Variants in PLEKHG4B observed in about 807,000 individuals in gnomAD.
PLEKHG4B encodes pleckstrin homology and RhoGEF domain containing G4B.
PLEKHG4B carries 111 observed loss-of-function variants against 121.3 expected under a neutral mutation model. The observed-to-expected ratio is 0.92, with a 90% CI of 0.78 to 1.07. The LOEUF is 1.07. PLEKHG4B is among the 50% of genes least tolerant of loss of function. The probability of loss-of-function intolerance (pLI) is 0.00; values close to 1 mark genes in which losing one functional copy is unlikely to be tolerated. For synonymous variants in PLEKHG4B, 738 were observed against 725.0 expected (o/e 1.02, Z -0.29); for missense variants, 1,831 against 1,757.8 (o/e 1.04, Z -0.74).
rs199993651 is a variant in PLEKHG4B, at chr5:164,577, TCA to T, written c.3476+1034_3476+1035del. On this transcript the variant is annotated intron_variant, in intron 13 of 19. Transcript: ENST00000637938. The stretch of plus-strand genomic sequence containing the variant: ...GTAATGCTCTGACAGGGGGCGGAGC[TCA>T]CACAGTAATGCTGTGACGGAGCGGA... Among the ~76,000 whole-genome samples, 116 of 88,694 alleles carry T rather than the reference TCA, an allele frequency of 1.3e-3. 13 individuals are homozygous for T. In the Middle Eastern group the frequency reaches 0.023, roughly 17 times the overall value. 58.2% of individuals were successfully genotyped at this position (88,694 alleles called of 152,430 possible).
chr5:143,548 C>T (rs1254058913), intron 5 of PLEKHG4B, 45 bp downstream of exon 5: 15 of 1,599,784 alleles, frequency 9.4e-6, no homozygotes, highest in Non-Finnish European at 1.3e-5. Context: ...CATGGGACCC[C>T]AGCTGCATGT....
In PLEKHG4B at chr5:137,869, A is replaced by G. The variant is rs1205457503; in HGVS notation, c.244-1614A>G. The stretch of plus-strand genomic sequence containing the variant: ...AGGTACCTGTCTCTTCTGGGGTGAA[A>G]CCTGTGGAGGGGATGGAGGTGGCCC... On this transcript the variant is annotated intron_variant, in intron 2 of 19. Coordinates refer to ENST00000637938, the MANE Select transcript of PLEKHG4B (RefSeq NM_052909.5). The surrounding 1 kb of genome is among the most constrained non-coding windows in gnomAD (Gnocchi z 4.2). Among the ~76,000 whole-genome samples, 1 of 152,044 alleles carries G rather than the reference A, an allele frequency of 6.6e-6. No homozygotes were observed. Among genetic ancestry groups the G allele is most frequent in the Non-Finnish European group, 1.5e-5 (1 of 67,992 alleles).
intron 18 of PLEKHG4B, among the ~76,000 whole-genome samples, chr5:175,648 C>T (rs112367103): frequency 1.1e-5 from 1 of 90,722 alleles, no homozygotes. Flanking sequence ...GGCTCCTGCA[C>T]GGCTGCACCC....
chr5:113,285 C>T lies in PLEKHG4B; in HGVS notation c.80C>T (p.Thr27Met), dbSNP rs541049998. The T allele has an allele frequency of 1.7e-4, 66 of 399,078 alleles. No individual in the cohort carries two copies. Among genetic ancestry groups the T allele is most frequent in the African/African-American group, 1.2e-3 (58 of 48,742 alleles). The allele number at this position is 399,078 out of a possible 1,614,324, so 24.7% of individuals were successfully genotyped here. A position where few individuals can be genotyped will look rare whatever the true frequency, so the allele number is the denominator to read the frequency against. The change falls in exon 2 of 20, where the codon ACG becomes ATG. Residue 27 changes from threonine to methionine, a missense_variant. Coordinates refer to ENST00000637938, the MANE Select transcript of PLEKHG4B (RefSeq NM_052909.5). This position sits in a 1 kb window ranked among gnomAD's most constrained non-coding sequence, Gnocchi z 5.2. ...TCTCTTGATGCCTGTATCCAGAGGA[C>T]GCTCTCTGCCTTGTACCCACCGTTT... Reference protein sequence around the residue: ...LESLDACIQRTLSALYPPFEA... With the variant: ...LESLDACIQRMLSALYPPFEA...
rs1733563926 is a variant in PLEKHG4B, at chr5:184,800, T to C, written c.*2477T>C. On this transcript the variant is annotated 3_prime_UTR_variant, in exon 20 of 20. Coordinates refer to ENST00000637938, the MANE Select transcript of PLEKHG4B (RefSeq NM_052909.5). ...ACTTTGGGAGGCTGAGGCCAGAGGATCACTTGACTTGAGCCCAGGAACTGG... is the reference window on the plus strand; with the variant it reads ...ACTTTGGGAGGCTGAGGCCAGAGGACCACTTGACTTGAGCCCAGGAACTGG... 1.3e-5 allele frequency: 1 copy of C among 77,848 alleles called. No homozygotes were observed. The allele number at this position is 77,848 out of a possible 1,614,324, so 4.8% of individuals were successfully genotyped here. A position where few individuals can be genotyped will look rare whatever the true frequency, so the allele number is the denominator to read the frequency against.
intron 1 of PLEKHG4B, among the ~76,000 whole-genome samples, chr5:94,775 A>G (rs942438929): frequency 6.6e-6 from 1 of 152,114 alleles, no homozygotes; most frequent in African/African-American, 2.4e-5. Context: ...TCCAAAGAAC[A>G]GGCCTGGAAT....
rs1459577776 is a variant in PLEKHG4B, at chr5:184,031, T to TAGATAGATA, written c.*1708_*1709insAGATAGATA. 3 of 120,146 alleles carry TAGATAGATA rather than the reference T, an allele frequency of 2.5e-5. No homozygotes were observed. Among genetic ancestry groups the TAGATAGATA allele is most frequent in the East Asian group, 2.6e-4 (1 of 3,818 alleles). 7.4% of individuals were successfully genotyped at this position (120,146 alleles called of 1,614,324 possible). On this transcript the variant is annotated 3_prime_UTR_variant, in exon 20 of 20. Transcript: ENST00000637938. ...TAGATAGATAGATAGATAGATAGAC[T>TAGATAGATA]GACAGACAGATGAGAGGGGCCTTAG...
intron 2 of PLEKHG4B, among the ~76,000 whole-genome samples, chr5:121,700 C>T (rs1734474163): frequency 6.6e-6 from 1 of 152,020 alleles, no homozygotes; most frequent in South Asian, 2.1e-4. Flanking sequence ...AATGGAAAAA[C>T]ATCTTTTAAG....
At chr5:114,417 G>T (rs1466619389) in intron 2 of PLEKHG4B, among the ~76,000 whole-genome samples, 1 of 152,166 alleles carries the variant, frequency 6.6e-6, no homozygotes, top group East Asian at 1.9e-4. Context: ...CATTTCAACA[G>T]TGTTCACAGC....
In PLEKHG4B at chr5:137,835, T is replaced by G. The variant is rs941345027; in HGVS notation, c.244-1648T>G. Among the ~76,000 whole-genome samples the G allele has an allele frequency of 3.9e-5, 6 of 152,224 alleles. No homozygotes were observed. The highest frequency in any genetic ancestry group is 2.9e-5 in the Non-Finnish European group (2 of 68,036). ...GGGGCCAGGCTCGGGGAGGCCCTTA[T>G]GGACCGGCAGGTACCTGTCTCTTCT... On this transcript the variant is annotated intron_variant, in intron 2 of 19. Coordinates refer to ENST00000637938, the MANE Select transcript of PLEKHG4B (RefSeq NM_052909.5). The surrounding 1 kb of genome is among the most constrained non-coding windows in gnomAD (Gnocchi z 4.2).
At chr5:102,667 G>A (rs1346211556) in intron 1 of PLEKHG4B, among the ~76,000 whole-genome samples, 1 of 152,184 alleles carries the variant, frequency 6.6e-6, no homozygotes, top group Non-Finnish European at 1.5e-5. Context: ...CTTCCTGTAT[G>A]GCCTGCAGAA....
intron 1 of PLEKHG4B, among the ~76,000 whole-genome samples, chr5:102,942 T>C (rs1240974570): frequency 6.6e-6 from 1 of 152,186 alleles, no homozygotes; most frequent in Admixed American, 6.5e-5. Flanking sequence ...CCGGTGGTTA[T>C]GGTAAGCAAA....
At chr5:181,273 G>C (rs1045099502) in intron 18 of PLEKHG4B, among the ~76,000 whole-genome samples, 1 of 152,102 alleles carries the variant, frequency 6.6e-6, no homozygotes, top group Non-Finnish European at 1.5e-5. Context: ...CGTTTCCAAG[G>C]CCTCATGGCT....
chr5:110,028 ACACC>A (rs199629034), intron 1 of PLEKHG4B, among the ~76,000 whole-genome samples: 2,259 of 150,832 alleles, frequency 0.015, 67 homozygotes, highest in African/African-American at 0.052. Context: ...ACACGTGCAC[ACACC>A]CACACAATCT....
rs1386543467 is a variant in PLEKHG4B, at chr5:159,146, G to C, written c.2487+2235G>C. Among the ~76,000 whole-genome samples the C allele has an allele frequency of 4.6e-5, 7 of 152,116 alleles. No individual in the cohort carries two copies. The highest frequency in any genetic ancestry group is 1.3e-4 in the Admixed American group (2 of 15,278). On this transcript the variant is annotated intron_variant, in intron 11 of 19. Coordinates refer to ENST00000637938, the MANE Select transcript of PLEKHG4B (RefSeq NM_052909.5). The surrounding 1 kb of genome is among the most constrained non-coding windows in gnomAD (Gnocchi z 5.5). ...TCTGAGGGTTGCCCAGGTGCGCTGA[G>C]GGCAGGTGTGCCCGAGGGTCACCCA...
chr5:143,266 C>T lies in PLEKHG4B; in HGVS notation c.1687+10C>T, dbSNP rs1425387430. The T allele has an allele frequency of 6.2e-7, 1 of 1,609,678 alleles. No homozygotes were observed. Among genetic ancestry groups the T allele is most frequent in the East Asian group, 2.2e-5 (1 of 44,886 alleles). The stretch of plus-strand genomic sequence containing the variant: ...GTCGTCACCCTCCCAGGTGAGAGCA[C>T]ATGCCAGGCTCTCCTGTCAGGGCGG... On this transcript the variant is annotated intron_variant, in intron 4 of 19. Coordinates refer to ENST00000637938, the MANE Select transcript of PLEKHG4B (RefSeq NM_052909.5).
intron 5 of PLEKHG4B, chr5:144,132 T>C (rs1390737696): frequency 6.5e-6 from 1 of 153,786 alleles, no homozygotes; most frequent in Non-Finnish European, 1.4e-5. Flanking sequence ...AAGAATAGAA[T>C]AAGGTGTTTG....
rs370430863 is a variant in PLEKHG4B at position 110,063 on chromosome 5, C to T, written c.46-3188C>T. ...AATCTGCAAGACACGTGCACACACCCACACAATCTGCAACACACATGCACA... is the reference window on the plus strand; with the variant it reads ...AATCTGCAAGACACGTGCACACACCTACACAATCTGCAACACACATGCACA... On this transcript the variant is annotated intron_variant, in intron 1 of 19. Coordinates refer to ENST00000637938, the MANE Select transcript of PLEKHG4B (RefSeq NM_052909.5). Among the ~76,000 whole-genome samples, 19 of 151,360 alleles carry T rather than the reference C, an allele frequency of 1.3e-4. No individual in the cohort carries two copies. In the East Asian group the frequency reaches 3.7e-3, roughly 30 times the overall value.
At chr5:169,188 C>T (rs541137024) in intron 13 of PLEKHG4B, 152 bp from the exon 14 acceptor site, 25 of 1,077,436 alleles carry the variant, frequency 2.3e-5, no homozygotes, top group South Asian at 4.8e-5. Context: ...GCTTTTTTAT[C>T]GTGCATCCCA....
Sources: allele counts gnomAD v4.1 joint callset (sites outside exome capture counted in the v4.1 genomes callset), GRCh38; gene constraint gnomAD v4.1.1; non-coding constraint Gnocchi (gnomAD v3.1); transcripts MANE v1.5; gene names NCBI Gene and HGNC (gene_info 2026-07-23, HGNC 2026-07-21).